The following SPATS2 variants were observed in gnomAD, a reference collection of about 807,000 sequenced individuals.
SPATS2 encodes spermatogenesis associated serine rich 2, also known as spermatogenesis-associated serine-rich protein 2.
SPATS2 carries 38 observed loss-of-function variants against 63.7 expected under a neutral mutation model. That is an observed-to-expected ratio of 0.60 (90% CI 0.46 to 0.78). SPATS2 has a LOEUF of 0.78. Among genes scored for constraint, SPATS2 ranks in the 30% least tolerant of loss-of-function variants. The pLI, the probability that SPATS2 is intolerant of heterozygous loss-of-function variation, is 0.00. For missense variants in SPATS2, 588 were observed against 666.2 expected, an observed-to-expected ratio of 0.88 and a Z score of 1.29; for synonymous variants, 207 against 232.9, an observed-to-expected ratio of 0.89 and a Z score of 1.01.
chr12:49,482,915 A>G (rs1318961343), intron 3 of SPATS2, among the ~76,000 whole-genome samples: 1 of 151,534 alleles, frequency 6.6e-6, no homozygotes, highest in East Asian at 1.9e-4. Context: ...CACCCTCCCA[A>G]TTAGCTGGGG....
At chr12:49,523,942 A>G (rs1946987512) in intron 12 of SPATS2, among the ~76,000 whole-genome samples, 1 of 151,352 alleles carries the variant, frequency 6.6e-6, no homozygotes, top group Admixed American at 6.6e-5. Flanking sequence ...ACAGAGTGAG[A>G]CTCCGGATCA....
At chr12:49,403,202 G>T (rs540985863) in intron 2 of SPATS2, among the ~76,000 whole-genome samples, 3 of 152,340 alleles carry the variant, frequency 2.0e-5, no homozygotes, top group South Asian at 2.1e-4. Context: ...AGAAGCTGCA[G>T]AGTGGACGTT....
chr12:49,440,768 A>G (rs1461737980), intron 2 of SPATS2, among the ~76,000 whole-genome samples: 1 of 152,142 alleles, frequency 6.6e-6, no homozygotes, highest in Admixed American at 6.5e-5. Flanking sequence ...TGCCTGGCCA[A>G]TATTTTTTAA....
chr12:49,504,073 G>A (rs1177996274), intron 9 of SPATS2, among the ~76,000 whole-genome samples: 2 of 152,170 alleles, frequency 1.3e-5, no homozygotes, highest in Non-Finnish European at 2.9e-5. Flanking sequence ...TAATTGGCAA[G>A]TGAGCTAACT....
chr12:49,524,756 A>G lies in SPATS2; in HGVS notation c.1186A>G (p.Ser396Gly). ...SVTSVSLSSP[S>G]DASAASSSTC... ...TACATCTGTGTCCTTGAGTAGCCCA[A>G]GTGATGCCTCTGCTGCTTCCTCTTC... The change falls in exon 13 of 14, where the codon AGT (serine) becomes GGT (glycine). Residue 396 changes from serine to glycine, a missense_variant. Ser to Gly is a moderately conservative substitution (Grantham distance 56, BLOSUM62 0). Coordinates refer to ENST00000552918, the MANE Select transcript of SPATS2 (RefSeq NM_023071.4). The G allele has an allele frequency of 6.2e-7, 1 of 1,614,194 alleles. No individual in the cohort carries two copies. Among genetic ancestry groups the G allele is most frequent in the African/African-American group, 1.3e-5 (1 of 75,044 alleles).
At chr12:49,373,906 G>A (rs1190292283) in intron 2 of SPATS2, among the ~76,000 whole-genome samples, 1 of 151,906 alleles carries the variant, frequency 6.6e-6, no homozygotes, top group Admixed American at 6.6e-5. Flanking sequence ...GCGACACTGC[G>A]AGATTCCAAC....
chr12:49,451,733 G>T (rs1945627010), intron 2 of SPATS2, among the ~76,000 whole-genome samples: 1 of 152,154 alleles, frequency 6.6e-6, no homozygotes. Flanking sequence ...GGTACAGTCG[G>T]GTTACCATCT....
intron 2 of SPATS2, among the ~76,000 whole-genome samples, chr12:49,422,571 C>CAT (rs367974447): frequency 1.6e-4 from 25 of 152,160 alleles, no homozygotes; most frequent in African/African-American, 5.8e-4. Context: ...TATAAAATTG[C>CAT]ATTATTAGTA....
chr12:49,409,544 G>A (rs536190561), intron 2 of SPATS2, among the ~76,000 whole-genome samples: 2 of 149,976 alleles, frequency 1.3e-5, no homozygotes, highest in African/African-American at 2.5e-5. Flanking sequence ...TGACTGCCTC[G>A]GCCTCCCAAA....
At chr12:49,506,551 G>A (rs1048983582) in intron 9 of SPATS2, among the ~76,000 whole-genome samples, 1 of 152,106 alleles carries the variant, frequency 6.6e-6, no homozygotes, top group African/African-American at 2.4e-5. Context: ...CTTGACACTT[G>A]GCGATTATTA....
intron 2 of SPATS2, among the ~76,000 whole-genome samples, chr12:49,403,461 C>T (rs919223545): frequency 6.6e-6 from 1 of 151,950 alleles, no homozygotes; most frequent in Non-Finnish European, 1.5e-5. Flanking sequence ...AATCCCGTCT[C>T]TACTAAAAAT....
chr12:49,452,310 G>A (rs1945637217), intron 2 of SPATS2, among the ~76,000 whole-genome samples: 1 of 152,162 alleles, frequency 6.6e-6, no homozygotes, highest in African/African-American at 2.4e-5. Context: ...GTTTGTTAAT[G>A]TTTAAGAGAT....
chr12:49,384,217 C>G (rs912498645), intron 2 of SPATS2, among the ~76,000 whole-genome samples: 1 of 152,208 alleles, frequency 6.6e-6, no homozygotes, highest in African/African-American at 2.4e-5. Flanking sequence ...CTTCTTGCCT[C>G]GGCCTCCCAA....
chr12:49,513,704 T>A lies in SPATS2; in HGVS notation c.840-851T>A, dbSNP rs531764680. Reference sequence around the variant, plus strand: ...TTTGACTACTTTGCATTCTAAGTACTAAAATGTAAGTGGACTTGGTGCAAC... The same window carrying A: ...TTTGACTACTTTGCATTCTAAGTACAAAAATGTAAGTGGACTTGGTGCAAC... On this transcript the variant is annotated intron_variant, in intron 9 of 13. Coordinates refer to ENST00000552918, the MANE Select transcript of SPATS2 (RefSeq NM_023071.4). Among the ~76,000 whole-genome samples, 6 of 152,316 alleles carry A rather than the reference T, an allele frequency of 3.9e-5. No individual in the cohort carries two copies. In the East Asian group the frequency reaches 1.2e-3, roughly 29 times the overall value.
chr12:49,506,032 T>C (rs58867453), intron 9 of SPATS2, among the ~76,000 whole-genome samples: 2,121 of 152,342 alleles, frequency 0.014, 47 homozygotes, highest in African/African-American at 0.046. Context: ...TTTTCACTTT[T>C]AGTGTAGTGT....
rs75699234 is a variant in SPATS2, at chr12:49,417,862, G to A, written c.-243-42908G>A. The stretch of plus-strand genomic sequence containing the variant: ...TACATTGTTGAATTTGGGGTAGAGG[G>A]AAAAAGTGTATTAGCATGTATGTGT... On this transcript the variant is annotated intron_variant, in intron 2 of 13. Coordinates refer to ENST00000552918, the MANE Select transcript of SPATS2 (RefSeq NM_023071.4). Among the ~76,000 whole-genome samples, 483 of 152,186 alleles carry A rather than the reference G, an allele frequency of 3.2e-3. 5 individuals are homozygous for A. The highest frequency in any genetic ancestry group is 0.011 in the African/African-American group (449 of 41,532).
chr12:49,409,115 G>T, intron 2 of SPATS2, among the ~76,000 whole-genome samples: 1 of 152,082 alleles, frequency 6.6e-6, no homozygotes, highest in Non-Finnish European at 1.5e-5. Context: ...ACTTCTAATG[G>T]TGTTTCAGGC....
chr12:49,409,055 C>T (rs1042814380), intron 2 of SPATS2, among the ~76,000 whole-genome samples: 9 of 152,092 alleles, frequency 5.9e-5, no homozygotes, highest in African/African-American at 1.9e-4. Flanking sequence ...GTACATTTGA[C>T]ATTTGAATAC....
At chr12:49,417,852 G>C (rs1427021815) in intron 2 of SPATS2, among the ~76,000 whole-genome samples, 1 of 152,132 alleles carries the variant, frequency 6.6e-6, no homozygotes, top group Non-Finnish European at 1.5e-5. Context: ...TGTTGAATTT[G>C]GGGTAGAGGG....
Sources: gnomAD v4.1 joint callset for allele counts (sites outside exome capture counted in the v4.1 genomes callset) on GRCh38, gnomAD v4.1.1 for gene constraint, MANE v1.5 for transcripts, NCBI Gene and HGNC (gene_info 2026-07-23, HGNC 2026-07-21) for gene names.